The following RNGTT variants were observed in gnomAD, a reference collection of about 807,000 sequenced individuals.
RNGTT encodes RNA guanylyltransferase and 5'-phosphatase, also known as mRNA-capping enzyme.
A neutral mutation model predicts 79.3 loss-of-function variants in RNGTT; 33 were observed. The ratio of observed to expected loss-of-function variants is 0.42; its 90% CI spans 0.32 to 0.56. RNGTT has a LOEUF of 0.56. RNGTT is among the 20% of genes least tolerant of loss of function. The pLI is 0.17. For missense variants in RNGTT, 497 were observed against 739.1 expected (o/e 0.67, Z 3.80); for synonymous variants, 222 against 235.9 (o/e 0.94, Z 0.54).
At chr6:88,827,317 A>C (rs1780702178) in intron 11 of RNGTT, among the ~76,000 whole-genome samples, 1 of 152,042 alleles carries the variant, frequency 6.6e-6, no homozygotes, top group Non-Finnish European at 1.5e-5. Flanking sequence ...AGCCAAGGGA[A>C]GCCATGACGG....
chr6:88,713,450 C>T (rs980733161), intron 13 of RNGTT, among the ~76,000 whole-genome samples: 5 of 152,094 alleles, frequency 3.3e-5, no homozygotes, highest in African/African-American at 1.2e-4. Context: ...AGGGGGAAGG[C>T]AAAGATGAAA....
At chr6:88,655,325 C>T (rs761154098) in intron 14 of RNGTT, among the ~76,000 whole-genome samples, 80 of 151,946 alleles carry the variant, frequency 5.3e-4, no homozygotes, top group Non-Finnish European at 9.9e-4. Context: ...GAAAAATATG[C>T]TACTTTAAAA....
At chr6:88,910,917 T>C (rs938811197) in intron 4 of RNGTT, among the ~76,000 whole-genome samples, 2 of 152,164 alleles carry the variant, frequency 1.3e-5, no homozygotes, top group Non-Finnish European at 2.9e-5. Flanking sequence ...AATAAAATCT[T>C]TGCAGGATTA....
chr6:88,690,387 G>GT (rs2127795462), intron 13 of RNGTT, among the ~76,000 whole-genome samples: 1 of 150,504 alleles, frequency 6.6e-6, no homozygotes, highest in East Asian at 1.9e-4. Context: ...CAACTTTTCT[G>GT]TAAGTCTAGA....
chr6:88,739,611 AC>A (rs949418613), intron 13 of RNGTT, among the ~76,000 whole-genome samples: 1 of 151,460 alleles, frequency 6.6e-6, no homozygotes, highest in Non-Finnish European at 1.5e-5. Flanking sequence ...CTCATCACAT[AC>A]AGAACAGATT....
chr6:88,887,047 T>TAAAAAAAAAAAAAA, intron 8 of RNGTT, among the ~76,000 whole-genome samples: 1 of 83,458 alleles, frequency 1.2e-5, no homozygotes, highest in Non-Finnish European at 2.4e-5. Context: ...ACAATTTCTT[T>TAAAAAAAAAAAAAA]AAAAAAAAAA....
intron 6 of RNGTT, among the ~76,000 whole-genome samples, chr6:88,892,807 G>C (rs367768911): frequency 1.3e-5 from 2 of 152,016 alleles, no homozygotes; most frequent in African/African-American, 4.8e-5. Flanking sequence ...TTCTGGCAAA[G>C]ACCTGGCAAT....
intron 11 of RNGTT, among the ~76,000 whole-genome samples, chr6:88,806,503 GA>G (rs1186625553): frequency 2.6e-5 from 4 of 151,992 alleles, no homozygotes; most frequent in Admixed American, 2.0e-4. Context: ...TTTTAGTAGA[GA>G]GGGGGTTTCA....
At chr6:88,618,808 C>T (rs1772331971) in intron 14 of RNGTT, among the ~76,000 whole-genome samples, 1 of 152,136 alleles carries the variant, frequency 6.6e-6, no homozygotes, top group Non-Finnish European at 1.5e-5. Flanking sequence ...AAATTAGCAG[C>T]TCAAAGAAAA....
intron 11 of RNGTT, among the ~76,000 whole-genome samples, chr6:88,835,365 T>C (rs1330091615): frequency 2.0e-5 from 3 of 152,074 alleles, no homozygotes; most frequent in South Asian, 2.1e-4. Flanking sequence ...CTAAGGGAAA[T>C]GTACAGAGTT....
At chr6:88,644,373 CA>C (rs1485105463) in intron 14 of RNGTT, among the ~76,000 whole-genome samples, 3 of 151,328 alleles carry the variant, frequency 2.0e-5, no homozygotes, top group Non-Finnish European at 4.4e-5. Context: ...GCTTACCAAC[CA>C]AAAAAAGTCC....
chr6:88,827,895 G>A (rs140673530), intron 11 of RNGTT, among the ~76,000 whole-genome samples: 1 of 152,284 alleles, frequency 6.6e-6, no homozygotes, highest in Admixed American at 6.5e-5. Context: ...CCAGTCATGG[G>A]CTTATAGATA....
At chr6:88,962,452 T>G (rs1304497643) in intron 1 of RNGTT, among the ~76,000 whole-genome samples, 1 of 151,910 alleles carries the variant, frequency 6.6e-6, no homozygotes, top group Non-Finnish European at 1.5e-5. Context: ...GGCAACACAG[T>G]GAAACCCTGT....
intron 6 of RNGTT, among the ~76,000 whole-genome samples, chr6:88,897,090 A>G (rs574320561): frequency 6.6e-6 from 1 of 152,238 alleles, no homozygotes; most frequent in Non-Finnish European, 1.5e-5. Context: ...TTTCAATTTC[A>G]CCAAGACTAA....
At chr6:88,702,819 T>C (rs1029416893) in intron 13 of RNGTT, among the ~76,000 whole-genome samples, 4 of 152,024 alleles carry the variant, frequency 2.6e-5, no homozygotes, top group African/African-American at 9.7e-5. Context: ...AGGTCTAATA[T>C]CCGGAATCTA....
At chr6:88,779,545 T>C (rs1003646458) in intron 12 of RNGTT, among the ~76,000 whole-genome samples, 1 of 152,208 alleles carries the variant, frequency 6.6e-6, no homozygotes, top group African/African-American at 2.4e-5. Context: ...AAACAACATG[T>C]ATCAACTCTT....
chr6:88,661,425 G>A (rs1474820647), intron 14 of RNGTT, among the ~76,000 whole-genome samples: 1 of 152,044 alleles, frequency 6.6e-6, no homozygotes, highest in Non-Finnish European at 1.5e-5. Context: ...CCGTTAGTGA[G>A]ATTAACCAAA....
chr6:88,769,341 G>C (rs904486923), intron 13 of RNGTT, among the ~76,000 whole-genome samples: 12 of 454 alleles, frequency 0.026, no homozygotes, highest in African/African-American at 0.13. Context: ...TTCTATTTTT[G>C]GTAGAGGGGG....
At chr6:88,632,528 GACACACAGACACACAGAC>G (rs1315596763) in intron 14 of RNGTT, among the ~76,000 whole-genome samples, 3 of 73,660 alleles carry the variant, frequency 4.1e-5, no homozygotes, top group Admixed American at 1.6e-4. Flanking sequence ...ACCAACTACA[GACACACAGACACACAGAC>G]ACACACACAC....
Sources: allele counts gnomAD v4.1 joint callset (sites outside exome capture counted in the v4.1 genomes callset), GRCh38; gene constraint gnomAD v4.1.1; transcripts MANE v1.5; gene names NCBI Gene and HGNC (gene_info 2026-07-23, HGNC 2026-07-21).